SLC35F1: variants seen among roughly 807,000 people sequenced by gnomAD.
SLC35F1 encodes the protein solute carrier family 35 member F1, also known as chromosome 6 open reading frame 169.
SLC35F1 carries 14 observed loss-of-function variants against 48.7 expected under a neutral mutation model. The observed-to-expected ratio is 0.29, with a 90% CI of 0.19 to 0.45. The LOEUF (loss-of-function observed/expected upper bound fraction) is 0.45, where lower values mean the gene tolerates loss of function less well. Ranked by LOEUF, SLC35F1 falls within the 20% of genes least tolerant of loss-of-function variation. The pLI, the probability that SLC35F1 is intolerant of heterozygous loss-of-function variation, is 1.00. For missense variants in SLC35F1, 404 were observed against 500.0 expected (o/e 0.81, Z 1.83); for synonymous variants, 190 against 202.2 (o/e 0.94, Z 0.51).
intron 1 of SLC35F1, among the ~76,000 whole-genome samples, chr6:118,024,204 A>C (rs1777434524): frequency 6.6e-6 from 1 of 152,144 alleles, no homozygotes; most frequent in African/African-American, 2.4e-5. Context: ...AGGAGTTGTG[A>C]GCCTCTAGGA....
intron 1 of SLC35F1, among the ~76,000 whole-genome samples, chr6:118,135,729 G>A (rs1773784856): frequency 6.6e-6 from 1 of 152,206 alleles, no homozygotes; most frequent in Non-Finnish European, 1.5e-5. Context: ...ACATTTGGGT[G>A]ATTTCTGACA....
chr6:118,288,254 A>G (rs1160141881), intron 7 of SLC35F1, among the ~76,000 whole-genome samples: 4 of 152,172 alleles, frequency 2.6e-5, no homozygotes, highest in Non-Finnish European at 4.4e-5. Context: ...GTCTCAATCA[A>G]TTTGGAAAAT....
intron 1 of SLC35F1, among the ~76,000 whole-genome samples, chr6:117,939,427 G>T (rs901214510): frequency 3.3e-5 from 5 of 152,138 alleles, no homozygotes; most frequent in African/African-American, 9.7e-5. Flanking sequence ...ATTTTCCTCG[G>T]GTTCTTGCCC....
chr6:117,985,296 G>A lies in SLC35F1; in HGVS notation c.173+77397G>A, dbSNP rs1396491338. 3.3e-5 allele frequency among the ~76,000 whole-genome samples: 5 copies of A among 152,148 alleles called. No homozygotes were observed. The East Asian group carries it at 9.6e-4, about 29-fold the overall frequency. On this transcript the variant is annotated intron_variant, in intron 1 of 7. Transcript: ENST00000360388. ...TGAGTCAAATTAGCCCCTTGAATTT[G>A]TTGCCTGTAACTTTTTAAATTGAGC...
intron 2 of SLC35F1, among the ~76,000 whole-genome samples, chr6:118,232,329 A>C (rs1347698177): frequency 2.0e-5 from 3 of 152,134 alleles, no homozygotes; most frequent in African/African-American, 7.2e-5. Context: ...AGGCAGGCGG[A>C]TCACAAGGTC....
At chr6:118,236,429 C>T (rs759171426) in intron 3 of SLC35F1, among the ~76,000 whole-genome samples, 4 of 152,146 alleles carry the variant, frequency 2.6e-5, no homozygotes, top group African/African-American at 4.8e-5. Flanking sequence ...CAAAACAAAA[C>T]ATTGTTCTCA....
intron 1 of SLC35F1, among the ~76,000 whole-genome samples, chr6:117,946,697 C>T (rs963263943): frequency 5.9e-5 from 9 of 152,118 alleles, no homozygotes; most frequent in Admixed American, 2.6e-4. Flanking sequence ...TGATACAGTA[C>T]CAAAGAAGGG....
rs117378374 is a variant in SLC35F1, at chr6:118,059,385, C to T, written c.174-95060C>T. On this transcript the variant is annotated intron_variant, in intron 1 of 7. Coordinates refer to ENST00000360388, the MANE Select transcript of SLC35F1 (RefSeq NM_001029858.4). Reference sequence around the variant, plus strand: ...CTCTGTAAATTGTCATAAAATGCTACGGTAAGCTTTCTTTTCTATATTCTT... The same window carrying T: ...CTCTGTAAATTGTCATAAAATGCTATGGTAAGCTTTCTTTTCTATATTCTT... Among the ~76,000 whole-genome samples the T allele has an allele frequency of 9.0e-3, 1,372 of 152,222 alleles. 9 individuals are homozygous for T. Among genetic ancestry groups the T allele is most frequent in the Middle Eastern group, 0.027 (8 of 292 alleles).
intron 1 of SLC35F1, among the ~76,000 whole-genome samples, chr6:117,998,567 C>T (rs1442910182): frequency 2.0e-5 from 3 of 152,156 alleles, no homozygotes. Context: ...GAAATTATAA[C>T]AAACTATCTC....
At chr6:118,230,324 G>A (rs1349036831) in intron 2 of SLC35F1, among the ~76,000 whole-genome samples, 1 of 139,016 alleles carries the variant, frequency 7.2e-6, no homozygotes, top group Non-Finnish European at 1.5e-5. Context: ...TGGTGACACA[G>A]CAAGACTCCA....
chr6:118,149,388 G>A (rs1323800647), intron 1 of SLC35F1, among the ~76,000 whole-genome samples: 2 of 152,190 alleles, frequency 1.3e-5, no homozygotes, highest in East Asian at 1.9e-4. Flanking sequence ...ACAACACATC[G>A]CCAAATGGAT....
intron 7 of SLC35F1, among the ~76,000 whole-genome samples, chr6:118,285,712 G>T (rs1215465973): frequency 6.6e-6 from 1 of 152,186 alleles, no homozygotes; most frequent in African/African-American, 2.4e-5. Flanking sequence ...AAAGGCCTTG[G>T]CAGAGTATGT....
At position 118,031,827 on chromosome 6, in the gene SLC35F1, C is replaced by T. The variant is rs117161535; in HGVS notation, c.174-122618C>T. On this transcript the variant is annotated intron_variant, in intron 1 of 7. Transcript: ENST00000360388. ...AAAAGAGTGGTAGCTTTTGGGTCAT[C>T]GGGTCATTGCTATGGAAAGGGGTGG... Among the ~76,000 whole-genome samples the T allele has an allele frequency of 4.7e-3, 716 of 152,224 alleles. 4 individuals are homozygous for T. The highest frequency in any genetic ancestry group is 6.3e-3 in the Non-Finnish European group (428 of 68,012).
chr6:118,208,208 A>C (rs1193886024), intron 2 of SLC35F1, among the ~76,000 whole-genome samples: 1 of 152,172 alleles, frequency 6.6e-6, no homozygotes, highest in Non-Finnish European at 1.5e-5. Context: ...GCTTGTGCAC[A>C]CAGGGGCTGG....
chr6:117,985,935 T>G lies in SLC35F1; in HGVS notation c.173+78036T>G, dbSNP rs75683116. On this transcript the variant is annotated intron_variant, in intron 1 of 7. Transcript: ENST00000360388. The stretch of plus-strand genomic sequence containing the variant: ...TAAACAGAGATGGGATCCAGGGGTA[T>G]CTCATGGAATCCAAAGGCAATTAAT... Among the ~76,000 whole-genome samples, 933 of 152,250 alleles carry G rather than the reference T, an allele frequency of 6.1e-3. 12 individuals carry two copies. The highest frequency in any genetic ancestry group is 0.021 in the African/African-American group (886 of 41,548).
intron 1 of SLC35F1, among the ~76,000 whole-genome samples, chr6:118,036,543 G>T (rs1772134348): frequency 6.6e-6 from 1 of 152,090 alleles, no homozygotes; most frequent in Non-Finnish European, 1.5e-5. Context: ...GTGTTCTTCA[G>T]AACTTTTATG....
chr6:118,281,221 T>A (rs1175149830), intron 6 of SLC35F1, among the ~76,000 whole-genome samples: 4 of 149,078 alleles, frequency 2.7e-5, no homozygotes, highest in South Asian at 2.1e-4. Context: ...TATATATATA[T>A]AAAATATTAA....
intron 2 of SLC35F1, among the ~76,000 whole-genome samples, chr6:118,160,384 A>T (rs1774212488): frequency 6.6e-6 from 1 of 152,216 alleles, no homozygotes; most frequent in African/African-American, 2.4e-5. Flanking sequence ...TTTTCAGTGA[A>T]TTATTGAAAC....
intron 1 of SLC35F1, among the ~76,000 whole-genome samples, chr6:118,045,395 G>A (rs2114905390): frequency 6.6e-6 from 1 of 152,132 alleles, no homozygotes; most frequent in East Asian, 1.9e-4. Flanking sequence ...TGGACAGGGA[G>A]GTCTCAAGGG....
Sources: allele counts gnomAD v4.1 joint callset (sites outside exome capture counted in the v4.1 genomes callset), GRCh38; gene constraint gnomAD v4.1.1; transcripts MANE v1.5; gene names NCBI Gene and HGNC (gene_info 2026-07-23, HGNC 2026-07-21).